The following LIAT1 variants were observed in gnomAD, a reference collection of about 807,000 sequenced individuals.
The protein encoded by LIAT1 is ligand of ATE1, also known as protein LIAT1.
chr17:410,823 G>C, the LIAT1 span, among the ~76,000 whole-genome samples: 1 of 152,062 alleles, frequency 6.6e-6, no homozygotes, highest in Admixed American at 6.6e-5. Flanking sequence ...CCCACCCGTG[G>C]AGACCATCCA....
chr17:413,249 C>T, the LIAT1 span: 1 of 1,614,216 alleles, frequency 6.2e-7, no homozygotes, highest in Non-Finnish European at 8.5e-7. Context: ...AGAGCACAGA[C>T]AGAGCAAAGT....
At chr17:414,265 T>C in the LIAT1 span, 2 of 928,948 alleles carry the variant, frequency 2.2e-6, no homozygotes, top group Non-Finnish European at 1.6e-6. This position sits in a 1 kb window ranked among gnomAD's most constrained non-coding sequence, Gnocchi z 4.1. Flanking sequence ...ATCACCAAGC[T>C]GCCCTCGGTT....
At chr17:412,675 C>A in the LIAT1 span, among the ~76,000 whole-genome samples, 8 of 152,206 alleles carry the variant, frequency 5.3e-5, no homozygotes, top group Admixed American at 5.2e-4. Flanking sequence ...GTTTTCCGTT[C>A]CTTCCATCAT....
the LIAT1 span, among the ~76,000 whole-genome samples, chr17:412,195 A>G: frequency 6.6e-6 from 1 of 152,096 alleles, no homozygotes; most frequent in African/African-American, 2.4e-5. Flanking sequence ...TTAGCTGGGC[A>G]TGGTGGCAGG....
chr17:414,235 C>T, the LIAT1 span: 18 of 1,254,178 alleles, frequency 1.4e-5, no homozygotes, highest in African/African-American at 7.5e-5. This position sits in a 1 kb window ranked among gnomAD's most constrained non-coding sequence, Gnocchi z 4.1. Flanking sequence ...GTTCGGTACA[C>T]GGACGACGCC....
At chr17:414,128 G>T in the LIAT1 span, 1 of 1,606,248 alleles carries the variant, frequency 6.2e-7, no homozygotes, top group Admixed American at 1.7e-5. The surrounding 1 kb of genome is among the most constrained non-coding windows in gnomAD (Gnocchi z 4.1). Context: ...ATCTACCCAC[G>T]ACGCTCACAA....
chr17:410,609 A>G, the LIAT1 span: 407 of 1,544,226 alleles, frequency 2.6e-4, no homozygotes, highest in Non-Finnish European at 3.3e-4. Flanking sequence ...AGAAGAAAAA[A>G]AGGAAGAAGA....
chr17:414,230 G>A, the LIAT1 span: 3 of 1,308,440 alleles, frequency 2.3e-6, no homozygotes, highest in Non-Finnish European at 3.1e-6. This position sits in a 1 kb window ranked among gnomAD's most constrained non-coding sequence, Gnocchi z 4.1. Flanking sequence ...CAGATGTTCG[G>A]TACACGGACG....
At chr17:413,503 C>G in the LIAT1 span, 154,367 of 945,378 alleles carry the variant, frequency 0.16, 31,332 homozygotes, top group African/African-American at 0.76. Flanking sequence ...CCGACCCCGA[C>G]GCCCTCAAGG....
chr17:411,986 G>A, the LIAT1 span, among the ~76,000 whole-genome samples: 3 of 152,318 alleles, frequency 2.0e-5, no homozygotes, highest in African/African-American at 7.2e-5. Context: ...CATATGGACC[G>A]TGCAGTGTGG....
chr17:414,617 G>A, the LIAT1 span: 2 of 158,744 alleles, frequency 1.3e-5, no homozygotes, highest in Non-Finnish European at 2.8e-5. The surrounding 1 kb of genome is among the most constrained non-coding windows in gnomAD (Gnocchi z 4.1). Context: ...GTTACCATGG[G>A]AAGTCCCAAG....
chr17:410,655 A>T, the LIAT1 span: 2 of 1,537,998 alleles, frequency 1.3e-6, no homozygotes, highest in Non-Finnish European at 1.7e-6. Flanking sequence ...CGGTAAGAGG[A>T]GCAGCTAGCC....
chr17:410,634 G>A, the LIAT1 span: 1 of 1,541,082 alleles, frequency 6.5e-7, no homozygotes, highest in South Asian at 1.2e-5. Flanking sequence ...CAAGGGGTCT[G>A]GCAAGGGGGA....
chr17:413,160 G>GT, the LIAT1 span: 1 of 1,613,934 alleles, frequency 6.2e-7, no homozygotes, highest in Non-Finnish European at 8.5e-7. Context: ...AAACATCAGA[G>GT]TCAGAGCCTG....
the LIAT1 span, chr17:410,760 G>T: frequency 3.1e-6 from 3 of 972,332 alleles, no homozygotes; most frequent in Non-Finnish European, 4.5e-6. Flanking sequence ...GTCCCGGACC[G>T]AGGTCCTCCT....
chr17:414,211 T>G, the LIAT1 span: 2 of 1,424,216 alleles, frequency 1.4e-6, no homozygotes, highest in African/African-American at 2.9e-5. The surrounding 1 kb of genome is among the most constrained non-coding windows in gnomAD (Gnocchi z 4.1). Context: ...GACCCGTATC[T>G]GAAGGAAACA....
chr17:413,740 CAAGG>C, the LIAT1 span: 5 of 1,592,930 alleles, frequency 3.1e-6, no homozygotes, highest in East Asian at 4.6e-5. Flanking sequence ...ACCCCGACCC[CAAGG>C]CCCTCAAGGG....
the LIAT1 span, chr17:414,149 C>A: frequency 1.3e-6 from 2 of 1,592,592 alleles, no homozygotes; most frequent in South Asian, 2.3e-5. This position sits in a 1 kb window ranked among gnomAD's most constrained non-coding sequence, Gnocchi z 4.1. Flanking sequence ...ACTTATAATT[C>A]CTCCTCACCA....
chr17:413,175 G>A, the LIAT1 span: 4 of 1,614,164 alleles, frequency 2.5e-6, 1 homozygote, highest in Middle Eastern at 4.9e-4. Flanking sequence ...AGCCTGAAGA[G>A]CCAGCCGCTT....
Sources: gnomAD v4.1 joint callset for allele counts (sites outside exome capture counted in the v4.1 genomes callset) on GRCh38, gnomAD v4.1.1 for gene constraint, Gnocchi (gnomAD v3.1) non-coding constraint, MANE v1.5 for transcripts, NCBI Gene and HGNC (gene_info 2026-07-23, HGNC 2026-07-21) for gene names.